PHLDB2: variants seen among roughly 807,000 people sequenced by gnomAD.
The protein encoded by PHLDB2 is pleckstrin homology-like domain family B member 2.
In PHLDB2, 71 loss-of-function variants were observed where a neutral mutation model predicts 123.6. The ratio of observed to expected loss-of-function variants is 0.57; its 90% CI spans 0.47 to 0.70. The LOEUF (loss-of-function observed/expected upper bound fraction) is 0.70. Ranked by LOEUF, PHLDB2 falls within the 30% of genes least tolerant of loss-of-function variation. The pLI, the probability that PHLDB2 is intolerant of heterozygous loss-of-function variation, is 0.00. For synonymous variants in PHLDB2, 547 were observed against 541.6 expected, an observed-to-expected ratio of 1.01 and a Z score of -0.14; for missense variants, 1,446 against 1,519.5, an observed-to-expected ratio of 0.95 and a Z score of 0.80.
chr3:111,876,301 G>A (rs1426529100), intron 1 of PHLDB2, among the ~76,000 whole-genome samples: 1 of 152,148 alleles, frequency 6.6e-6, no homozygotes, highest in Non-Finnish European at 1.5e-5. Context: ...GTGGTTGGGT[G>A]TATGTACAGT....
At chr3:111,944,288 C>G (rs1039630102) in intron 8 of PHLDB2, among the ~76,000 whole-genome samples, 1 of 152,012 alleles carries the variant, frequency 6.6e-6, no homozygotes, top group African/African-American at 2.4e-5. Flanking sequence ...CAGAAATGCT[C>G]TTTATCTTGT....
At chr3:111,779,981 CAT>C (rs2060343875) in intron 1 of PHLDB2, 2 of 539,768 alleles carry the variant, frequency 3.7e-6, no homozygotes, top group Admixed American at 6.4e-5. Flanking sequence ...AGGACTCTGA[CAT>C]GTGTCTATTC....
intron 2 of PHLDB2, chr3:111,911,869 A>G (rs554307998): frequency 2.8e-6 from 2 of 721,098 alleles, no homozygotes; most frequent in South Asian, 1.7e-5. Context: ...AATGTATTTA[A>G]TGGAACCTAA....
chr3:111,878,275 G>A lies in PHLDB2; in HGVS notation c.-14-5789G>A, dbSNP rs147818333. Among the ~76,000 whole-genome samples the A allele has an allele frequency of 2.1e-3, 326 of 152,296 alleles. 2 individuals are homozygous for A. Among genetic ancestry groups the A allele is most frequent in the African/African-American group, 7.6e-3 (317 of 41,562 alleles). The stretch of plus-strand genomic sequence containing the variant: ...CTTGAAGAGGTTCTTCACATCCCTT[G>A]TAAGTTGGATTCCTAGGTATTTTAT... On this transcript the variant is annotated intron_variant, in intron 1 of 17. Coordinates refer to ENST00000431670, the MANE Select transcript of PHLDB2 (RefSeq NM_001134438.2).
At chr3:111,812,485 C>T (rs2061885214) in intron 1 of PHLDB2, among the ~76,000 whole-genome samples, 1 of 152,180 alleles carries the variant, frequency 6.6e-6, no homozygotes, top group African/African-American at 2.4e-5. Context: ...TGAATGTTTT[C>T]ATGGAGTTTC....
At chr3:111,788,931 G>C (rs866217847) in intron 1 of PHLDB2, among the ~76,000 whole-genome samples, 13 of 152,138 alleles carry the variant, frequency 8.5e-5, no homozygotes, top group African/African-American at 3.1e-4. Context: ...GCTCAGTAAA[G>C]GAATAGCTCC....
intron 1 of PHLDB2, among the ~76,000 whole-genome samples, chr3:111,814,631 A>T (rs1168024038): frequency 2.2e-4 from 31 of 139,270 alleles, no homozygotes; most frequent in African/African-American, 8.7e-4. Flanking sequence ...ATTTATTTAA[A>T]AAAAAAAAAA....
intron 1 of PHLDB2, among the ~76,000 whole-genome samples, chr3:111,761,304 T>G (rs2059990228): frequency 6.6e-6 from 1 of 151,972 alleles, no homozygotes; most frequent in Non-Finnish European, 1.5e-5. Context: ...GTCATGAAGA[T>G]AATTTGAAGC....
intron 1 of PHLDB2, among the ~76,000 whole-genome samples, chr3:111,794,846 T>C (rs2061086476): frequency 6.6e-6 from 1 of 152,138 alleles, no homozygotes; most frequent in Non-Finnish European, 1.5e-5. Flanking sequence ...GTATTGGAGC[T>C]AGCATGCAAA....
At chr3:111,947,316 G>T (rs577560881) in intron 9 of PHLDB2, among the ~76,000 whole-genome samples, 1 of 151,822 alleles carries the variant, frequency 6.6e-6, no homozygotes, top group African/African-American at 2.4e-5. Flanking sequence ...TACTATTGTT[G>T]TGTATCTGCA....
chr3:111,760,365 G>C (rs1010602376), intron 1 of PHLDB2, among the ~76,000 whole-genome samples: 1 of 152,098 alleles, frequency 6.6e-6, no homozygotes, highest in Non-Finnish European at 1.5e-5. Context: ...ATGCATCTTT[G>C]TTGAGATAAA....
chr3:111,822,825 A>G (rs1375909475), intron 1 of PHLDB2, among the ~76,000 whole-genome samples: 1 of 152,166 alleles, frequency 6.6e-6, no homozygotes, highest in Non-Finnish European at 1.5e-5. Flanking sequence ...ATACTATATA[A>G]TTAATACAGC....
chr3:111,753,982 G>T (rs535133193), intron 1 of PHLDB2, among the ~76,000 whole-genome samples: 20 of 152,222 alleles, frequency 1.3e-4, no homozygotes, highest in African/African-American at 4.8e-4. Context: ...TTATTTCTGA[G>T]GGCTCTGTTT....
intron 2 of PHLDB2, among the ~76,000 whole-genome samples, chr3:111,901,689 A>G (rs1032987981): frequency 5.3e-5 from 8 of 152,216 alleles, no homozygotes; most frequent in African/African-American, 1.7e-4. Flanking sequence ...TGATCAAGCT[A>G]AAGTGAAAAT....
chr3:111,873,354 A>G (rs1466156147), intron 1 of PHLDB2, among the ~76,000 whole-genome samples: 1 of 152,072 alleles, frequency 6.6e-6, no homozygotes, highest in African/African-American at 2.4e-5. Flanking sequence ...GTAGTTTAAT[A>G]CTCTATAGTT....
At chr3:111,770,812 G>A (rs2060163380) in intron 1 of PHLDB2, among the ~76,000 whole-genome samples, 1 of 152,336 alleles carries the variant, frequency 6.6e-6, no homozygotes, top group Admixed American at 6.5e-5. Flanking sequence ...CTTAGAAGAT[G>A]AGCAAAGGGA....
At chr3:111,945,568 T>C (rs901649385) in intron 9 of PHLDB2, 30 of 551,488 alleles carry the variant, frequency 5.4e-5, no homozygotes, top group Non-Finnish European at 9.0e-5. Context: ...ATTGTGTGTG[T>C]GTATGTGTAT....
rs936479628 is a variant in PHLDB2 at position 111,859,520 on chromosome 3, C to T, written c.-71C>T. 2 of 985,618 alleles carry T rather than the reference C, an allele frequency of 2.0e-6. No homozygotes were observed. Among genetic ancestry groups the T allele is most frequent in the Non-Finnish European group, 2.4e-6 (2 of 830,078 alleles). 61.1% of individuals were successfully genotyped at this position (985,618 alleles called of 1,614,324 possible). On this transcript the variant is annotated 5_prime_UTR_variant, in exon 1 of 18. Transcript: ENST00000431670. Reference sequence around the variant, plus strand: ...ACGGGGGCCCGACGGTGTGGCGTGGCGCAAGGAGCGCGCCTGCCTTCTCTC... The same window carrying T: ...ACGGGGGCCCGACGGTGTGGCGTGGTGCAAGGAGCGCGCCTGCCTTCTCTC...
intron 5 of PHLDB2, among the ~76,000 whole-genome samples, chr3:111,923,218 A>G (rs1327248858): frequency 6.6e-6 from 1 of 152,122 alleles, no homozygotes; most frequent in East Asian, 1.9e-4. Flanking sequence ...TAAGACTACT[A>G]AAGACCTCAG....
Sources: gnomAD v4.1 joint callset for allele counts (sites outside exome capture counted in the v4.1 genomes callset) on GRCh38, gnomAD v4.1.1 for gene constraint, MANE v1.5 for transcripts, NCBI Gene and HGNC (gene_info 2026-07-23, HGNC 2026-07-21) for gene names.